The following ASAP1 variants were observed in gnomAD, a reference collection of about 807,000 sequenced individuals.
ASAP1 encodes the protein ArfGAP with SH3 domain, ankyrin repeat and PH domain 1, also known as arf-GAP with SH3 domain, ANK repeat and PH domain-containing protein 1.
A neutral mutation model predicts 145.2 loss-of-function variants in ASAP1; 43 were observed. That is an observed-to-expected ratio of 0.30 (90% CI 0.23 to 0.38). ASAP1 has a LOEUF of 0.38. Among genes scored for constraint, ASAP1 ranks in the 10% least tolerant of loss-of-function variants. The pLI is 1.00. For missense variants in ASAP1, 1,018 were observed against 1,355.3 expected (o/e 0.75, Z 3.91); for synonymous variants, 546 against 515.5 (o/e 1.06, Z -0.80).
chr8:130,134,436 G>GT lies in ASAP1; in HGVS notation c.1169-93dup, dbSNP rs1408659002. On this transcript the variant is annotated intron_variant, in intron 14 of 29. Coordinates refer to ENST00000518721, the MANE Select transcript of ASAP1 (RefSeq NM_018482.4). ...ATTTAAGTTCCTGGGAAGAAAACCA[G>GT]TAAAAGTAGAATTTTAATATTATTT... The GT allele has an allele frequency of 5.5e-6, 4 of 722,712 alleles. No homozygotes were observed. The African/African-American group carries it at 7.4e-5, about 13-fold the overall frequency. 44.8% of individuals were successfully genotyped at this position (722,712 alleles called of 1,614,324 possible). A position where few individuals can be genotyped will look rare whatever the true frequency, so the allele number is the denominator to read the frequency against.
At chr8:130,416,645 A>G (rs1175700148) in intron 1 of ASAP1, among the ~76,000 whole-genome samples, 1 of 152,238 alleles carries the variant, frequency 6.6e-6, no homozygotes, top group Non-Finnish European at 1.5e-5. Context: ...TTTCCCCTGA[A>G]TGACAGAGAA....
intron 1 of ASAP1, among the ~76,000 whole-genome samples, chr8:130,437,051 G>A (rs1830337113): frequency 6.9e-6 from 1 of 144,776 alleles, no homozygotes; most frequent in African/African-American, 2.6e-5. Flanking sequence ...GTTGCAGTGA[G>A]CCAAAATCAC....
chr8:130,122,374 A>C (rs905059315), intron 18 of ASAP1, among the ~76,000 whole-genome samples: 11 of 152,214 alleles, frequency 7.2e-5, no homozygotes, highest in African/African-American at 2.7e-4. Context: ...TGAGTGATCA[A>C]ACTGCATGTT....
chr8:130,314,745 G>C (rs1320493721), intron 3 of ASAP1, among the ~76,000 whole-genome samples: 1 of 152,232 alleles, frequency 6.6e-6, no homozygotes. Flanking sequence ...GCAAACGAAA[G>C]GGAGCTAAGC....
chr8:130,170,065 A>G (rs139582634), intron 9 of ASAP1, among the ~76,000 whole-genome samples: 1,588 of 152,310 alleles, frequency 0.01, 14 homozygotes, highest in Middle Eastern at 0.041. Flanking sequence ...TCAAAACACT[A>G]TCTGTTTTGC....
intron 4 of ASAP1, among the ~76,000 whole-genome samples, chr8:130,215,972 A>AG: frequency 8.2e-6 from 1 of 121,560 alleles, no homozygotes; most frequent in African/African-American, 3.6e-5. Flanking sequence ...AAAAAGAAAA[A>AG]GAAAAAGGAA....
chr8:130,109,159 A>G (rs1448133387), intron 24 of ASAP1, among the ~76,000 whole-genome samples: 2 of 151,892 alleles, frequency 1.3e-5, no homozygotes, highest in Admixed American at 6.6e-5. Flanking sequence ...ACTACCACAC[A>G]CAAATTAATT....
intron 3 of ASAP1, among the ~76,000 whole-genome samples, chr8:130,315,034 T>C (rs1032277290): frequency 4.6e-5 from 7 of 152,162 alleles, no homozygotes; most frequent in Admixed American, 4.6e-4. Flanking sequence ...CGTCACAATT[T>C]TACTATGACA....
At chr8:130,134,494 T>G (rs1022679114) in intron 14 of ASAP1, 150 bp from the exon 15 acceptor site, 6 of 470,060 alleles carry the variant, frequency 1.3e-5, no homozygotes, top group African/African-American at 1.2e-4. Flanking sequence ...AGGTGCCTTG[T>G]GTATATTATT....
intron 11 of ASAP1, among the ~76,000 whole-genome samples, chr8:130,165,760 C>T (rs1201131874): frequency 6.6e-6 from 1 of 152,176 alleles, no homozygotes; most frequent in African/African-American, 2.4e-5. Flanking sequence ...GTGCATATAC[C>T]TGGATTTGGA....
At chr8:130,064,616 G>A (rs1167784414) in intron 27 of ASAP1, among the ~76,000 whole-genome samples, 1 of 152,018 alleles carries the variant, frequency 6.6e-6, no homozygotes, top group Non-Finnish European at 1.5e-5. Flanking sequence ...AATGTGTGGG[G>A]GTCTCACCCC....
intron 3 of ASAP1, among the ~76,000 whole-genome samples, chr8:130,237,698 G>T (rs530620047): frequency 6.6e-6 from 1 of 152,022 alleles, no homozygotes; most frequent in Admixed American, 6.6e-5. Flanking sequence ...CTTAATCCAG[G>T]TACAGGATAT....
At chr8:130,240,879 G>T (rs1818484392) in intron 3 of ASAP1, among the ~76,000 whole-genome samples, 1 of 152,068 alleles carries the variant, frequency 6.6e-6, no homozygotes, top group South Asian at 2.1e-4. Context: ...GAAGATGCAG[G>T]CTGCTGCAAA....
rs940663585 is a variant in ASAP1 at position 130,092,229 on chromosome 8, C to G, written c.2402-86G>C. The G allele has an allele frequency of 1.2e-5, 17 of 1,386,494 alleles. No individual in the cohort carries two copies. The Admixed American group carries it at 4.5e-4, about 36-fold the overall frequency. 85.9% of individuals were successfully genotyped at this position (1,386,494 alleles called of 1,614,324 possible). ...CCAGTATGAAATCACTTCCACACAT[C>G]AGAATGTGGTATGACACACAGAGAC... On this transcript the variant is annotated intron_variant, in intron 24 of 29. Coordinates refer to ENST00000518721, the MANE Select transcript of ASAP1 (RefSeq NM_018482.4).
At chr8:130,318,943 C>A (rs896606877) in intron 3 of ASAP1, among the ~76,000 whole-genome samples, 1 of 152,138 alleles carries the variant, frequency 6.6e-6, no homozygotes, top group African/African-American at 2.4e-5. Flanking sequence ...AGGGAAAAAA[C>A]CCATTAGAAG....
At chr8:130,351,649 G>C (rs889593540) in intron 3 of ASAP1, among the ~76,000 whole-genome samples, 1 of 152,136 alleles carries the variant, frequency 6.6e-6, no homozygotes, top group African/African-American at 2.4e-5. Flanking sequence ...GCGAGAGAGA[G>C]AGAAAAGTGG....
chr8:130,380,632 G>A (rs1307732841), intron 2 of ASAP1, among the ~76,000 whole-genome samples: 3 of 152,230 alleles, frequency 2.0e-5, no homozygotes, highest in African/African-American at 7.2e-5. Context: ...TTGAAGGGCA[G>A]TGCTGGCCAA....
chr8:130,104,122 C>T lies in ASAP1; in HGVS notation c.2401+7972G>A, dbSNP rs144188096. Among the ~76,000 whole-genome samples, 676 of 152,318 alleles carry T rather than the reference C, an allele frequency of 4.4e-3. 1 individual carries two copies. The highest frequency in any genetic ancestry group is 7.3e-3 in the Non-Finnish European group (496 of 68,032). On this transcript the variant is annotated intron_variant, in intron 24 of 29. Transcript: ENST00000518721. ...CCACAGCTCTCCTGCCAGGGCCCGGCATGCTCTGGGTACTCAGTACACAAC... is the reference window on the plus strand; with the variant it reads ...CCACAGCTCTCCTGCCAGGGCCCGGTATGCTCTGGGTACTCAGTACACAAC...
At chr8:130,381,863 G>A (rs1475113610) in intron 2 of ASAP1, among the ~76,000 whole-genome samples, 2 of 152,156 alleles carry the variant, frequency 1.3e-5, no homozygotes, top group Non-Finnish European at 2.9e-5. Context: ...CTGCATGCTT[G>A]TTCCTTGTCA....
Sources: gnomAD v4.1 joint callset for allele counts (sites outside exome capture counted in the v4.1 genomes callset) on GRCh38, gnomAD v4.1.1 for gene constraint, MANE v1.5 for transcripts, NCBI Gene and HGNC (gene_info 2026-07-23, HGNC 2026-07-21) for gene names.